ERN1: variants seen among roughly 807,000 people sequenced by gnomAD.
ERN1 encodes the protein serine/threonine-protein kinase/endoribonuclease IRE1.
ERN1 carries 39 observed loss-of-function variants against 113.1 expected under a neutral mutation model. The observed-to-expected ratio is 0.34, with a 90% CI of 0.27 to 0.45. The LOEUF (loss-of-function observed/expected upper bound fraction) is 0.45. Among genes scored for constraint, ERN1 ranks in the 20% least tolerant of loss-of-function variants. The pLI is 1.00. For synonymous variants in ERN1, 507 were observed against 515.9 expected (o/e 0.98, Z 0.23); for missense variants, 976 against 1,274.8 (o/e 0.77, Z 3.57).
chr17:64,129,024 C>T (rs1037490456), intron 1 of ERN1: 1 of 151,978 alleles, frequency 6.6e-6, no homozygotes, highest in African/African-American at 2.4e-5. Context: ...AAACAGAACA[C>T]GGACAAATTT....
intron 11 of ERN1, among the ~76,000 whole-genome samples, chr17:64,059,605 G>A (rs1199128051): frequency 6.6e-6 from 1 of 152,176 alleles, no homozygotes; most frequent in Non-Finnish European, 1.5e-5. Flanking sequence ...GTTTTTGACT[G>A]GGTAAAGCTA....
At chr17:64,077,976 G>A (rs1169905435) in intron 4 of ERN1, among the ~76,000 whole-genome samples, 1 of 151,956 alleles carries the variant, frequency 6.6e-6, no homozygotes, top group African/African-American at 2.4e-5. Context: ...CTCGTGATCC[G>A]CCCACCTTGG....
At chr17:64,122,378 T>C (rs1195540872) in intron 1 of ERN1, among the ~76,000 whole-genome samples, 1 of 152,168 alleles carries the variant, frequency 6.6e-6, no homozygotes, top group Non-Finnish European at 1.5e-5. Flanking sequence ...GCGCCATATT[T>C]CTTATGTGCA....
At chr17:64,089,235 C>T (rs1190240965) in intron 2 of ERN1, among the ~76,000 whole-genome samples, 2 of 140,908 alleles carry the variant, frequency 1.4e-5, no homozygotes, top group African/African-American at 5.3e-5. Context: ...AGGAGAATGG[C>T]GTGAACCTGG....
At chr17:64,097,188 G>A (rs988832912) in intron 2 of ERN1, among the ~76,000 whole-genome samples, 6 of 152,232 alleles carry the variant, frequency 3.9e-5, no homozygotes, top group Non-Finnish European at 2.9e-5. Context: ...GCCCATGCAG[G>A]TGGGGCAGGA....
chr17:64,057,733 T>C (rs999823804), intron 12 of ERN1, 69 bp downstream of exon 12: 1 of 1,415,976 alleles, frequency 7.1e-7, no homozygotes, highest in Non-Finnish European at 9.9e-7. Flanking sequence ...TGGATCTCAC[T>C]GACATGAGGC....
chr17:64,052,876 T>C lies in ERN1; in HGVS notation c.2157A>G (p.Ala719=). The change falls in exon 17 of 22, where the codon GCA becomes GCG. Residue 719 remains alanine (A), a synonymous_variant. Transcript: ENST00000433197. ...ISDFGLCKKL[A]VGRHSFSRRS... is the part of the protein sequence containing the mutation. ...GGCGGCTGAAACTGTGTCTGCCCACTGCCAGCTTCTTGCAGAGGCCAAAGT... is the reference window on the plus strand; with the variant it reads ...GGCGGCTGAAACTGTGTCTGCCCACCGCCAGCTTCTTGCAGAGGCCAAAGT... 1 of 1,614,020 alleles carries C rather than the reference T, an allele frequency of 6.2e-7. No homozygotes were observed. The highest frequency in any genetic ancestry group is 8.5e-7 in the Non-Finnish European group (1 of 1,179,898).
At chr17:64,117,776 CT>C (rs760068601) in intron 1 of ERN1, among the ~76,000 whole-genome samples, 19 of 152,170 alleles carry the variant, frequency 1.2e-4, no homozygotes, top group Admixed American at 2.6e-4. Context: ...CTTACGAGGC[CT>C]CCATCTCCCT....
At chr17:64,120,371 G>C (rs908027943) in intron 1 of ERN1, among the ~76,000 whole-genome samples, 5 of 152,170 alleles carry the variant, frequency 3.3e-5, no homozygotes, top group Non-Finnish European at 7.3e-5. Flanking sequence ...TCAGGTTCTA[G>C]GGATGTGACA....
intron 1 of ERN1, among the ~76,000 whole-genome samples, chr17:64,102,322 A>T (rs145549519): frequency 1.3e-5 from 2 of 152,150 alleles, no homozygotes; most frequent in African/African-American, 4.8e-5. Context: ...TCACATGACT[A>T]ATTTAGTCTT....
intron 1 of ERN1, among the ~76,000 whole-genome samples, chr17:64,110,187 A>G (rs1914635683): frequency 6.6e-6 from 1 of 152,176 alleles, no homozygotes; most frequent in Non-Finnish European, 1.5e-5. Flanking sequence ...ACTTACCCAA[A>G]CCAGTCTTTT....
chr17:64,098,003 CTTT>C (rs1223043814), intron 2 of ERN1, 115 bp downstream of exon 2: 193 of 1,330,696 alleles, frequency 1.5e-4, no homozygotes, highest in Non-Finnish European at 1.8e-4. Context: ...TCCCATTCTT[CTTT>C]ATTTCTTATT....
chr17:64,064,561 C>T (rs1457049625), intron 9 of ERN1, among the ~76,000 whole-genome samples: 2 of 152,164 alleles, frequency 1.3e-5, no homozygotes, highest in South Asian at 2.1e-4. Context: ...CAGAGGCAGG[C>T]GCTGTCTATT....
intron 1 of ERN1, among the ~76,000 whole-genome samples, chr17:64,120,260 T>G (rs934258390): frequency 1.3e-5 from 2 of 152,180 alleles, no homozygotes; most frequent in Admixed American, 6.5e-5. Flanking sequence ...TCACTCCTAG[T>G]GGCCCCTCAG....
At chr17:64,084,481 T>A (rs1194902163) in intron 2 of ERN1, among the ~76,000 whole-genome samples, 1 of 152,010 alleles carries the variant, frequency 6.6e-6, no homozygotes, top group African/African-American at 2.4e-5. Context: ...CTGAGTGACC[T>A]TGGCAAAGTT....
At position 64,043,032 on chromosome 17, in the gene ERN1, C is replaced by G. The variant is rs1237229322; in HGVS notation, c.*956G>C. On this transcript the variant is annotated 3_prime_UTR_variant, in exon 22 of 22. Transcript: ENST00000433197. Reference sequence around the variant, plus strand: ...CACCCTGGCCCTGACTCACCACGAGCCTCTTGTTCCACCGGCCTTGGGGAC... The same window carrying G: ...CACCCTGGCCCTGACTCACCACGAGGCTCTTGTTCCACCGGCCTTGGGGAC... 1 of 152,398 alleles carries G rather than the reference C, an allele frequency of 6.6e-6. No homozygotes were observed. The highest frequency in any genetic ancestry group is 1.5e-5 in the Non-Finnish European group (1 of 68,054). 9.4% of individuals were successfully genotyped at this position (152,398 alleles called of 1,614,324 possible).
intron 19 of ERN1, among the ~76,000 whole-genome samples, chr17:64,046,521 A>T (rs1215182787): frequency 6.6e-6 from 1 of 152,238 alleles, no homozygotes; most frequent in Non-Finnish European, 1.5e-5. Flanking sequence ...GAATTTTCAC[A>T]TTATGTCCAT....
At chr17:64,122,299 C>T (rs970601101) in intron 1 of ERN1, among the ~76,000 whole-genome samples, 10 of 152,058 alleles carry the variant, frequency 6.6e-5, no homozygotes, top group African/African-American at 2.2e-4. Context: ...GAGGGTAATG[C>T]CTGAGAGAGG....
rs550368905 is a variant in ERN1, at chr17:64,060,522, T to C, written c.1153A>G (p.Lys385Glu). ...GCAGGAATCACATTTTCCCGATGTT[T>C]GGGTAGATTGTTGGGAAATCTCTCC... Reference protein sequence around the residue: ...MLERFPNNLPKHRENVIPADS... With the variant: ...MLERFPNNLPEHRENVIPADS... Residue 385 changes from lysine to glutamate, a missense_variant, in exon 11 of 22, where the codon AAA becomes GAA. Transcript: ENST00000433197. 2 of 1,614,014 alleles carry C rather than the reference T, an allele frequency of 1.2e-6. No individual in the cohort carries two copies. Among genetic ancestry groups the C allele is most frequent in the South Asian group, 1.1e-5 (1 of 91,088 alleles).
Sources: gnomAD v4.1 joint callset for allele counts (sites outside exome capture counted in the v4.1 genomes callset) on GRCh38, gnomAD v4.1.1 for gene constraint, MANE v1.5 for transcripts, NCBI Gene and HGNC (gene_info 2026-07-23, HGNC 2026-07-21) for gene names.